CAPN13: variants seen among roughly 807,000 people sequenced by gnomAD.
CAPN13 encodes calpain-13.
A neutral mutation model predicts 98.4 loss-of-function variants in CAPN13; 90 were observed. That is an observed-to-expected ratio of 0.92 (90% CI 0.77 to 1.09). The LOEUF (loss-of-function observed/expected upper bound fraction) is 1.09. CAPN13 is among the 50% of genes least tolerant of loss of function. CAPN13 has a pLI of 0.00. For missense variants in CAPN13, 887 were observed against 841.3 expected (o/e 1.05, Z -0.67); for synonymous variants, 330 against 305.5 (o/e 1.08, Z -0.84).
rs369462045 is a variant in CAPN13, at chr2:30,732,566, T to C, written c.1799A>G (p.Asp600Gly). Residue 600 changes from aspartate (D) to glycine (G), a missense_variant and splice_region_variant, in exon 20 of 23, where the codon GAC (aspartate) becomes GGC (glycine). By Grantham distance (94) the Asp-to-Gly change is moderately conservative. Coordinates refer to ENST00000295055, the MANE Select transcript of CAPN13 (RefSeq NM_144575.3). Reference protein sequence around the residue: ...SDLWKAIENTDFLRGIFISRE... With the variant: ...SDLWKAIENTGFLRGIFISRE... Reference sequence around the variant, plus strand: ...GCTGATGAAGATCCCTCTGAGGAAGTCTGGGGCCACAGGTGAACGAGTGAG... The same window carrying C: ...GCTGATGAAGATCCCTCTGAGGAAGCCTGGGGCCACAGGTGAACGAGTGAG... 4.4e-6 allele frequency: 7 copies of C among 1,606,900 alleles called. No individual in the cohort carries two copies. Among genetic ancestry groups the C allele is most frequent in the Non-Finnish European group, 5.9e-6 (7 of 1,177,472 alleles).
chr2:30,801,173 C>T (rs976015352), intron 1 of CAPN13, among the ~76,000 whole-genome samples: 4 of 152,154 alleles, frequency 2.6e-5, no homozygotes, highest in Non-Finnish European at 5.9e-5. Context: ...GCTTGAACCG[C>T]AGAAGGCTAG....
At chr2:30,782,867 C>T (rs994261723) in intron 2 of CAPN13, among the ~76,000 whole-genome samples, 1 of 152,316 alleles carries the variant, frequency 6.6e-6, no homozygotes, top group East Asian at 1.9e-4. Context: ...ATGGTAGCCA[C>T]AAGCCATATG....
At chr2:30,769,992 G>A (rs115354913) in intron 5 of CAPN13, among the ~76,000 whole-genome samples, 4,085 of 152,302 alleles carry the variant, frequency 0.027, 71 homozygotes, top group Middle Eastern at 0.054. Flanking sequence ...GTCAGAGTCA[G>A]AATTGTTCAC....
chr2:30,779,985 A>G (rs62139460), intron 2 of CAPN13, among the ~76,000 whole-genome samples: 78,181 of 151,910 alleles, frequency 0.51, 21,104 homozygotes, highest in South Asian at 0.67. Context: ...TAAAAATTGC[A>G]TTTTAGAAAT....
Position 30,758,067 on chromosome 2 carries a change from C to T in CAPN13, c.845G>A (p.Trp282Ter), listed in dbSNP as rs1419434175. 14 of 1,611,596 alleles carry T rather than the reference C, an allele frequency of 8.7e-6. No individual in the cohort carries two copies. ...ATACCCATCACTCCAGCGCCCTCTC[C>T]ATTCGGCCTCGCCCCAGCCCCAGGG... Reference protein sequence around the residue: ...WNPWGWGEAEWRGRWSDGSQE... With the variant: ...WNPWGWGEAE The change falls in exon 8 of 23, where the codon TGG becomes TAG. Residue 282 changes from tryptophan to a stop codon, truncating the protein, a stop_gained. Coordinates refer to ENST00000295055, the MANE Select transcript of CAPN13 (RefSeq NM_144575.3). LOFTEE classifies it high-confidence loss of function.
intron 1 of CAPN13, among the ~76,000 whole-genome samples, chr2:30,792,132 A>G (rs1674634933): frequency 2.0e-5 from 3 of 152,192 alleles, no homozygotes; most frequent in Admixed American, 2.0e-4. Flanking sequence ...ATATCATAAG[A>G]GAATTAGGAA....
intron 21 of CAPN13, among the ~76,000 whole-genome samples, chr2:30,731,104 G>C (rs1671063334): frequency 6.6e-6 from 1 of 152,148 alleles, no homozygotes; most frequent in African/African-American, 2.4e-5. Context: ...CTGGATTTAT[G>C]ACTCCCACAT....
At position 30,753,132 on chromosome 2, in the gene CAPN13, G is replaced by C; in HGVS notation, c.1008C>G (p.Thr336=). Residue 336 remains threonine (T), a synonymous_variant, in exon 10 of 23, where the codon ACC becomes ACG. Transcript: ENST00000295055. ...CGTGGAGTGTGTTTCCATGGTCCAGGGTAATTGGAATTTCGCTACATATAA... is the reference window on the plus strand; with the variant it reads ...CGTGGAGTGTGTTTCCATGGTCCAGCGTAATTGGAATTTCGCTACATATAA... ...AMFICSEIPI[T]LDHGNTLHEG... 1 of 1,613,968 alleles carries C rather than the reference G, an allele frequency of 6.2e-7. No homozygotes were observed. The highest frequency in any genetic ancestry group is 8.5e-7 in the Non-Finnish European group (1 of 1,179,862).
rs181910260 is a variant in CAPN13, at chr2:30,739,322, G to C, written c.1537-865C>G. On this transcript the variant is annotated intron_variant, in intron 15 of 22. Coordinates refer to ENST00000295055, the MANE Select transcript of CAPN13 (RefSeq NM_144575.3). ...TATCAGCAGGTGGTCCTGTAGAGTGGCACTGGTCATGTAGAATAGGGTGCC... is the reference window on the plus strand; with the variant it reads ...TATCAGCAGGTGGTCCTGTAGAGTGCCACTGGTCATGTAGAATAGGGTGCC... 1.3e-3 allele frequency among the ~76,000 whole-genome samples: 197 copies of C among 152,218 alleles called. 1 individual carries two copies. The highest frequency in any genetic ancestry group is 0.011 in the South Asian group (54 of 4,818).
At chr2:30,759,981 G>T (rs940593088) in intron 7 of CAPN13, among the ~76,000 whole-genome samples, 2 of 152,200 alleles carry the variant, frequency 1.3e-5, no homozygotes, top group African/African-American at 2.4e-5. Flanking sequence ...TACCTCAGCA[G>T]AAGGGGCTCT....
intron 1 of CAPN13, among the ~76,000 whole-genome samples, chr2:30,787,755 G>C (rs1171195931): frequency 6.6e-6 from 1 of 152,190 alleles, no homozygotes; most frequent in East Asian, 1.9e-4. Context: ...GGAGGGTTTT[G>C]TGGGATGGGG....
intron 7 of CAPN13, among the ~76,000 whole-genome samples, chr2:30,760,285 C>G (rs1672776686): frequency 1.3e-5 from 2 of 152,192 alleles, no homozygotes; most frequent in Admixed American, 1.3e-4. Flanking sequence ...CGGGGTTTCA[C>G]CGTGTTAGCC....
intron 8 of CAPN13, among the ~76,000 whole-genome samples, chr2:30,757,548 C>G (rs1445459087): frequency 6.6e-6 from 1 of 152,214 alleles, no homozygotes; most frequent in East Asian, 1.9e-4. Flanking sequence ...TCATCCAGAT[C>G]TTTGCATCAG....
chr2:30,739,656 T>A (rs967040379), intron 15 of CAPN13, among the ~76,000 whole-genome samples: 2 of 152,164 alleles, frequency 1.3e-5, no homozygotes, highest in Admixed American at 6.5e-5. Context: ...AATGAGGAGT[T>A]CCAACTTCCA....
At chr2:30,795,679 A>C (rs1442966183) in intron 1 of CAPN13, among the ~76,000 whole-genome samples, 2 of 152,172 alleles carry the variant, frequency 1.3e-5, no homozygotes, top group Admixed American at 1.3e-4. Flanking sequence ...ATGTCTTGTA[A>C]ATATCTTCTC....
At chr2:30,768,596 G>A (rs1673226617) in intron 5 of CAPN13, among the ~76,000 whole-genome samples, 1 of 152,004 alleles carries the variant, frequency 6.6e-6, no homozygotes, top group African/African-American at 2.4e-5. Context: ...CAGGTGTGCC[G>A]CCTTCCCCCT....
At chr2:30,800,517 A>G (rs1308807432) in intron 1 of CAPN13, among the ~76,000 whole-genome samples, 2 of 152,162 alleles carry the variant, frequency 1.3e-5, no homozygotes, top group Non-Finnish European at 2.9e-5. Context: ...GTGAAGCTCC[A>G]CTAAACTCTA....
chr2:30,790,691 T>C (rs1273973602), intron 1 of CAPN13, among the ~76,000 whole-genome samples: 1 of 152,138 alleles, frequency 6.6e-6, no homozygotes, highest in African/African-American at 2.4e-5. Flanking sequence ...ATGCCTGAGG[T>C]TGCAATTTTT....
At chr2:30,792,469 T>A (rs1674652284) in intron 1 of CAPN13, among the ~76,000 whole-genome samples, 1 of 152,186 alleles carries the variant, frequency 6.6e-6, no homozygotes, top group Admixed American at 6.5e-5. Context: ...ATACAATGGA[T>A]CAATTTCTTG....
Sources: gnomAD v4.1 joint callset for allele counts (sites outside exome capture counted in the v4.1 genomes callset) on GRCh38, gnomAD v4.1.1 for gene constraint, MANE v1.5 for transcripts, NCBI Gene and HGNC (gene_info 2026-07-23, HGNC 2026-07-21) for gene names.